Variants in COL4A4 observed in about 807,000 individuals in gnomAD.
COL4A4 encodes the protein collagen type IV alpha 4 chain.
In COL4A4, 105 loss-of-function variants were observed where a neutral mutation model predicts 192.9. That is an observed-to-expected ratio of 0.54 (90% confidence interval 0.46 to 0.64). The LOEUF is 0.64. Among genes scored for constraint, COL4A4 ranks in the 30% least tolerant of loss-of-function variants. The probability of loss-of-function intolerance (pLI) is 0.00; values close to 1 mark genes in which losing one functional copy is unlikely to be tolerated. For missense variants in COL4A4, 1,967 were observed against 2,169.3 expected, an observed-to-expected ratio of 0.91 and a Z score of 1.85; for synonymous variants, 762 against 769.9, an observed-to-expected ratio of 0.99 and a Z score of 0.17.
intron 43 of COL4A4, among the ~76,000 whole-genome samples, chr2:227,025,028 C>A (rs1966737443): frequency 6.6e-6 from 1 of 151,992 alleles, no homozygotes; most frequent in Admixed American, 6.6e-5. Flanking sequence ...TTGAAAATAC[C>A]AGGACTTTTT....
At chr2:227,129,660 C>T (rs1363235852) in intron 4 of COL4A4, among the ~76,000 whole-genome samples, 3 of 152,118 alleles carry the variant, frequency 2.0e-5, no homozygotes, top group Admixed American at 6.5e-5. Flanking sequence ...CCGCCCCCCT[C>T]GGCCTCCCAA....
At chr2:227,100,324 T>A (rs756643212) in intron 17 of COL4A4, among the ~76,000 whole-genome samples, 12 of 151,510 alleles carry the variant, frequency 7.9e-5, no homozygotes, top group Non-Finnish European at 1.8e-4. Flanking sequence ...ACTTCTCAAA[T>A]GTAGAACATA....
chr2:227,027,712 T>C lies in COL4A4; in HGVS notation c.4081+190A>G, dbSNP rs10199655. On this transcript the variant is annotated intron_variant, in intron 42 of 47. Coordinates refer to ENST00000396625, the MANE Select transcript of COL4A4 (RefSeq NM_000092.5). ...CTCCTAATTTTCAAACTTTTTCATT[T>C]TGACAATAAATTATTACTTTACCAA... is the stretch of plus-strand genomic sequence containing the variant. The C allele has an allele frequency of 0.44, 173,865 of 392,226 alleles. 39,495 individuals are homozygous for C. Among genetic ancestry groups the C allele is most frequent in the South Asian group, 0.54 (7,375 of 13,686 alleles). The allele number at this position is 392,226 out of a possible 1,614,324, so 24.3% of individuals were successfully genotyped here. A position where few individuals can be genotyped will look rare whatever the true frequency, so the allele number is the denominator to read the frequency against.
chr2:226,988,671 G>A, the COL4A4 span: 55 of 984,064 alleles, frequency 5.6e-5, no homozygotes, highest in African/African-American at 7.7e-4. Flanking sequence ...TTAATATTCC[G>A]AAGGGTTTTC....
intron 24 of COL4A4, among the ~76,000 whole-genome samples, chr2:227,080,171 G>A (rs2059245155): frequency 6.6e-6 from 1 of 152,118 alleles, no homozygotes; most frequent in South Asian, 2.1e-4. Flanking sequence ...AAGTTTCTCA[G>A]AAGAAAATGA....
chr2:227,034,672 C>T (rs1035916163), intron 37 of COL4A4, among the ~76,000 whole-genome samples: 8 of 149,416 alleles, frequency 5.4e-5, no homozygotes, highest in Admixed American at 1.3e-4. Context: ...CCCACTAACT[C>T]GTCATCTAGC....
At chr2:227,112,882 G>A (rs2061297519) in intron 8 of COL4A4, among the ~76,000 whole-genome samples, 1 of 152,196 alleles carries the variant, frequency 6.6e-6, no homozygotes, top group Admixed American at 6.5e-5. Flanking sequence ...GTTGTTGTAT[G>A]TGTCAGAATA....
chr2:226,973,211 A>C, the COL4A4 span, among the ~76,000 whole-genome samples: 1 of 152,292 alleles, frequency 6.6e-6, no homozygotes, highest in African/African-American at 2.4e-5. Flanking sequence ...TCTTCTTCCA[A>C]ACTCATCCAA....
chr2:227,095,108 C>T (rs1341696826), intron 19 of COL4A4, among the ~76,000 whole-genome samples: 2 of 152,158 alleles, frequency 1.3e-5, no homozygotes, highest in Non-Finnish European at 2.9e-5. Context: ...GATTTTCTTA[C>T]CTTTTCCCCA....
At chr2:227,029,485 TGCACTATA>T (rs1967789968) in intron 41 of COL4A4, among the ~76,000 whole-genome samples, 1 of 152,250 alleles carries the variant, frequency 6.6e-6, no homozygotes, top group African/African-American at 2.4e-5. Context: ...AGATGCCATT[TGCACTATA>T]GTCATGGCGG....
intron 25 of COL4A4, among the ~76,000 whole-genome samples, chr2:227,074,964 T>C (rs1455231210): frequency 6.6e-6 from 1 of 152,064 alleles, no homozygotes; most frequent in African/African-American, 2.4e-5. Flanking sequence ...GTTATTCAAA[T>C]AGACCAATAA....
At chr2:227,119,360 C>G (rs1347283296) in intron 6 of COL4A4, among the ~76,000 whole-genome samples, 1 of 150,836 alleles carries the variant, frequency 6.6e-6, no homozygotes, top group Non-Finnish European at 1.5e-5. Context: ...ATAATATATA[C>G]CATGCACCAT....
chr2:227,127,901 C>T (rs2062183906), intron 4 of COL4A4, among the ~76,000 whole-genome samples: 1 of 152,080 alleles, frequency 6.6e-6, no homozygotes, highest in Non-Finnish European at 1.5e-5. Context: ...AGGAAAGATG[C>T]TTTTGTTATA....
intron 11 of COL4A4, 102 bp downstream of exon 11, chr2:227,108,731 G>A (rs1394788129): frequency 1.3e-6 from 2 of 1,522,580 alleles, no homozygotes; most frequent in African/African-American, 1.4e-5. Context: ...GGAATACTTT[G>A]GGAAGTCTGA....
chr2:227,147,561 T>G lies in COL4A4; in HGVS notation c.-78A>C. 7.8e-7 allele frequency: 1 copy of G among 1,290,138 alleles called. No individual in the cohort carries two copies. 79.9% of individuals were successfully genotyped at this position (1,290,138 alleles called of 1,614,324 possible). A position where few individuals can be genotyped will look rare whatever the true frequency, so the allele number is the denominator to read the frequency against. On this transcript the variant is annotated 5_prime_UTR_variant, in exon 2 of 48. Transcript: ENST00000396625. ...AGGTTCTTGTTGACAAGTGAGGTTCTGTGTTCTGGGTCAAAGTCTGTTCCT... is the reference window on the plus strand; with the variant it reads ...AGGTTCTTGTTGACAAGTGAGGTTCGGTGTTCTGGGTCAAAGTCTGTTCCT...
intron 41 of COL4A4, among the ~76,000 whole-genome samples, 157 bp from the exon 42 acceptor site, chr2:227,028,166 T>C (rs1967405567): frequency 6.6e-6 from 1 of 152,202 alleles, no homozygotes; most frequent in Non-Finnish European, 1.5e-5. Context: ...TCTGTGAGGC[T>C]TAGACGGGTT....
chr2:226,997,011 C>G, the COL4A4 span: 1 of 152,160 alleles, frequency 6.6e-6, no homozygotes, highest in Non-Finnish European at 1.5e-5. Context: ...TTGATACATT[C>G]AGCAAATTTG....
chr2:226,972,574 G>A, the COL4A4 span, among the ~76,000 whole-genome samples: 1 of 152,218 alleles, frequency 6.6e-6, no homozygotes, highest in Non-Finnish European at 1.5e-5. Context: ...AAACCCTGCA[G>A]TGCTGCTTCA....
At chr2:227,028,043 C>G in intron 41 of COL4A4, 34 bp from the exon 42 acceptor site, 2 of 1,362,888 alleles carry the variant, frequency 1.5e-6, no homozygotes, top group Admixed American at 1.9e-5. Context: ...AATGAGGGCA[C>G]TGGAATGAGA....
Sources: gnomAD v4.1 joint callset for allele counts (sites outside exome capture counted in the v4.1 genomes callset) on GRCh38, gnomAD v4.1.1 for gene constraint, MANE v1.5 for transcripts, NCBI Gene and HGNC (gene_info 2026-07-23, HGNC 2026-07-21) for gene names.